The following NAA15 variants were observed in gnomAD, a reference collection of about 807,000 sequenced individuals.
NAA15 encodes N-terminal acetyltransferase.
In NAA15, 34 loss-of-function variants were observed where a neutral mutation model predicts 114.0. The observed-to-expected ratio is 0.30, with a 90% CI of 0.23 to 0.40. The LOEUF is 0.40. Ranked by LOEUF, NAA15 falls within the 10% of genes least tolerant of loss-of-function variation. The pLI is 1.00. For missense variants in NAA15, 658 were observed against 1,004.5 expected, an observed-to-expected ratio of 0.66 and a Z score of 4.66; for synonymous variants, 340 against 338.0, an observed-to-expected ratio of 1.01 and a Z score of -0.06.
intron 1 of NAA15, among the ~76,000 whole-genome samples, chr4:139,308,330 A>G (rs532740485): frequency 6.6e-6 from 1 of 152,316 alleles, no homozygotes; most frequent in South Asian, 2.1e-4. Flanking sequence ...CTGCTAGTTA[A>G]TGATACTTAG....
chr4:139,329,657 C>G (rs1280040645), intron 1 of NAA15, among the ~76,000 whole-genome samples: 1 of 152,192 alleles, frequency 6.6e-6, no homozygotes, highest in Middle Eastern at 3.2e-3. Context: ...ACCATGTGGG[C>G]TGTGAGAATT....
rs1223029347 is a variant in NAA15 at position 139,384,942 on chromosome 4, A to G, written c.2266A>G (p.Lys756Glu). ...AAAGAATTTTAATGAAACTTTTCTGAAAAGGAATTCTGATTCATTGCCACA... is the reference window on the plus strand; with the variant it reads ...AAAGAATTTTAATGAAACTTTTCTGGAAAGGAATTCTGATTCATTGCCACA... ...NPKNFNETFL[K>E]RNSDSLPHRL... Residue 756 changes from lysine to glutamate, a missense_variant, in exon 18 of 20, where the codon AAA (lysine) becomes GAA (glutamate). Lys to Glu is a moderately conservative substitution (Grantham distance 56, BLOSUM62 1). Coordinates refer to ENST00000296543, the MANE Select transcript of NAA15 (RefSeq NM_057175.5). The G allele has an allele frequency of 6.4e-7, 1 of 1,572,312 alleles. No homozygotes were observed. The highest frequency in any genetic ancestry group is 8.6e-7 in the Non-Finnish European group (1 of 1,162,220).
intron 9 of NAA15, among the ~76,000 whole-genome samples, chr4:139,352,740 T>C (rs1747822675): frequency 6.9e-6 from 1 of 144,580 alleles, no homozygotes; most frequent in Non-Finnish European, 1.5e-5. Context: ...TGATCTCAGC[T>C]CACTGCAACC....
At chr4:139,338,628 A>G (rs769623760) in intron 3 of NAA15, among the ~76,000 whole-genome samples, 13 of 152,098 alleles carry the variant, frequency 8.5e-5, no homozygotes, top group Non-Finnish European at 1.3e-4. Flanking sequence ...TTGTATTTTT[A>G]GTAGAGACAG....
chr4:139,346,166 A>C (rs1424969348), intron 6 of NAA15, among the ~76,000 whole-genome samples: 1 of 152,136 alleles, frequency 6.6e-6, no homozygotes, highest in Non-Finnish European at 1.5e-5. Context: ...ATGTCATGTG[A>C]AGGATTAATT....
intron 1 of NAA15, among the ~76,000 whole-genome samples, chr4:139,320,211 T>G: frequency 6.6e-6 from 1 of 152,302 alleles, no homozygotes; most frequent in African/African-American, 2.4e-5. Flanking sequence ...GTTTTAGTGA[T>G]TTGGTTAGGT....
rs563464128 is a variant in NAA15 at position 139,316,696 on chromosome 4, C to T, written c.54+14865C>T. Among the ~76,000 whole-genome samples the T allele has an allele frequency of 2.0e-5, 3 of 151,830 alleles. 1 individual carries two copies. The South Asian group carries it at 6.2e-4, about 32-fold the overall frequency. ...TTTTTTCTGTTCAGGTTGTTTGTGCCAGATTTTATTGTACCAACAATATTG... is the reference window on the plus strand; with the variant it reads ...TTTTTTCTGTTCAGGTTGTTTGTGCTAGATTTTATTGTACCAACAATATTG... On this transcript the variant is annotated intron_variant, in intron 1 of 19. Coordinates refer to ENST00000296543, the MANE Select transcript of NAA15 (RefSeq NM_057175.5).
intron 9 of NAA15, among the ~76,000 whole-genome samples, chr4:139,353,359 A>G (rs1747843472): frequency 6.6e-6 from 1 of 152,224 alleles, no homozygotes; most frequent in African/African-American, 2.4e-5. Context: ...GAAAGAGCTG[A>G]TATTAGTCTG....
intron 1 of NAA15, among the ~76,000 whole-genome samples, chr4:139,331,968 T>C (rs1747022377): frequency 6.6e-6 from 1 of 152,160 alleles, no homozygotes; most frequent in South Asian, 2.1e-4. Flanking sequence ...CCTGTATTTC[T>C]GTCATGAGCT....
chr4:139,301,977 G>A (rs1420545943), intron 1 of NAA15, 146 bp downstream of exon 1: 7 of 845,022 alleles, frequency 8.3e-6, no homozygotes, highest in Non-Finnish European at 1.3e-5. Context: ...GCATTGCTTT[G>A]CTCCCTCTCT....
chr4:139,303,448 C>T (rs1745883363), intron 1 of NAA15, among the ~76,000 whole-genome samples: 1 of 152,248 alleles, frequency 6.6e-6, no homozygotes, highest in Admixed American at 6.5e-5. Flanking sequence ...TATGCTTTCT[C>T]TCTCCCTATG....
At chr4:139,303,919 T>C (rs1303962309) in intron 1 of NAA15, among the ~76,000 whole-genome samples, 2 of 152,180 alleles carry the variant, frequency 1.3e-5, no homozygotes, top group Non-Finnish European at 2.9e-5. Context: ...TTAGCACTTT[T>C]TTTTGTTTGT....
At chr4:139,350,967 C>A (rs1289262160) in intron 7 of NAA15, among the ~76,000 whole-genome samples, 9 of 151,756 alleles carry the variant, frequency 5.9e-5, no homozygotes, top group African/African-American at 2.2e-4. Flanking sequence ...TTTTAAAAGC[C>A]TACCTAAAGC....
rs1360208353 is a variant in NAA15 at position 139,301,843 on chromosome 4, G to T, written c.54+12G>T. On this transcript the variant is annotated intron_variant, in intron 1 of 19. Transcript: ENST00000296543. ...TCAAGCGGATCTTGGTAAGTGTGAG[G>T]CTCCGGGCAAGCGGTGGGGAGGATT... The T allele has an allele frequency of 1.3e-6, 2 of 1,585,800 alleles. No homozygotes were observed. Among genetic ancestry groups the T allele is most frequent in the Non-Finnish European group, 1.7e-6 (2 of 1,165,002 alleles).
chr4:139,337,990 C>T (rs1378038837), intron 3 of NAA15, among the ~76,000 whole-genome samples: 1 of 152,194 alleles, frequency 6.6e-6, no homozygotes, highest in Non-Finnish European at 1.5e-5. Flanking sequence ...GTCTTTCCAT[C>T]ATTTTTAATG....
At chr4:139,371,497 GCACACACACACACACACACACA>G (rs35581039) in intron 15 of NAA15, among the ~76,000 whole-genome samples, 5 of 113,664 alleles carry the variant, frequency 4.4e-5, no homozygotes, top group African/African-American at 9.5e-5. Flanking sequence ...AAGAAAAGTA[GCACACACACACACACACACACA>G]CACACACACA....
chr4:139,346,184 G>A (rs961914136), intron 6 of NAA15, among the ~76,000 whole-genome samples: 14 of 152,204 alleles, frequency 9.2e-5, no homozygotes, highest in African/African-American at 3.4e-4. Flanking sequence ...ATTTAGGTAA[G>A]AACATGAATA....
intron 17 of NAA15, among the ~76,000 whole-genome samples, chr4:139,380,049 A>C (rs551279819): frequency 9.2e-5 from 14 of 152,332 alleles, no homozygotes; most frequent in South Asian, 2.1e-4. Flanking sequence ...CGTCTCAAAA[A>C]AACAACAACA....
At chr4:139,376,275 AT>A in intron 15 of NAA15, 89 bp from the exon 16 acceptor site, 3 of 808,020 alleles carry the variant, frequency 3.7e-6, no homozygotes, top group Non-Finnish European at 5.8e-6. Context: ...AAGTGATTTT[AT>A]TTTTTAAAAA....
Sources: allele counts gnomAD v4.1 joint callset (sites outside exome capture counted in the v4.1 genomes callset), GRCh38; gene constraint gnomAD v4.1.1; transcripts MANE v1.5; gene names NCBI Gene and HGNC (gene_info 2026-07-23, HGNC 2026-07-21).